TANC2: variants seen among roughly 807,000 people sequenced by gnomAD.
TANC2 encodes tetratricopeptide repeat, ankyrin repeat and coiled-coil containing 2.
In TANC2, 26 loss-of-function variants were observed where a neutral mutation model predicts 210.5. The ratio of observed to expected loss-of-function variants is 0.12; its 90% confidence interval spans 0.09 to 0.17. The LOEUF is 0.17. TANC2 is among the 10% of genes least tolerant of loss of function. TANC2 has a pLI of 1.00. For missense variants in TANC2, 2,129 were observed against 2,608.9 expected, an observed-to-expected ratio of 0.82 and a Z score of 4.01; for synonymous variants, 931 against 967.1, an observed-to-expected ratio of 0.96 and a Z score of 0.69.
intron 2 of TANC2, among the ~76,000 whole-genome samples, chr17:63,016,295 G>A (rs1340572771): frequency 6.6e-6 from 1 of 152,154 alleles, no homozygotes; most frequent in Non-Finnish European, 1.5e-5. Flanking sequence ...ACATCATTAA[G>A]GCTGGGTGTG....
At chr17:63,073,513 G>T (rs536685645) in intron 2 of TANC2, among the ~76,000 whole-genome samples, 50 of 152,026 alleles carry the variant, frequency 3.3e-4, no homozygotes, top group African/African-American at 1.2e-3. Flanking sequence ...TAAAACATAC[G>T]AATGTAATTC....
intron 1 of TANC2, chr17:63,004,794 G>C (rs75276856): frequency 0.029 from 10,215 of 348,106 alleles, 214 homozygotes; most frequent in South Asian, 0.037. Context: ...CCCCTTACCC[G>C]CTTTGGGTAC....
intron 5 of TANC2, among the ~76,000 whole-genome samples, chr17:63,167,321 T>C (rs2040242193): frequency 2.0e-5 from 3 of 152,174 alleles, no homozygotes; most frequent in Admixed American, 1.3e-4. Flanking sequence ...AAAATGATAA[T>C]ATAATGAAAA....
intron 4 of TANC2, among the ~76,000 whole-genome samples, chr17:63,119,039 C>T (rs559851888): frequency 1.3e-5 from 2 of 152,250 alleles, no homozygotes; most frequent in Non-Finnish European, 2.9e-5. Flanking sequence ...ACCCCAGCCT[C>T]CCAAAGTGCT....
At chr17:63,196,772 A>G (rs2041359271) in intron 6 of TANC2, among the ~76,000 whole-genome samples, 1 of 152,184 alleles carries the variant, frequency 6.6e-6, no homozygotes, top group South Asian at 2.1e-4. Flanking sequence ...GACATTTATT[A>G]AATACCTACT....
chr17:63,198,887 A>T (rs2041437077), intron 6 of TANC2, among the ~76,000 whole-genome samples: 1 of 152,236 alleles, frequency 6.6e-6, no homozygotes, highest in Non-Finnish European at 1.5e-5. Context: ...AACATATAGT[A>T]GAAGAGAAAT....
chr17:63,272,988 TA>T (rs148511723), intron 9 of TANC2, among the ~76,000 whole-genome samples: 1 of 151,866 alleles, frequency 6.6e-6, no homozygotes, highest in African/African-American at 2.4e-5. Flanking sequence ...TTTATACTCA[TA>T]AAAAAATTAC....
intron 2 of TANC2, among the ~76,000 whole-genome samples, chr17:63,023,362 G>A (rs2034427423): frequency 6.6e-6 from 1 of 150,734 alleles, no homozygotes; most frequent in Non-Finnish European, 1.5e-5. Flanking sequence ...GTGTGTGTAT[G>A]TGTGTGTGTA....
chr17:63,354,672 CT>C, intron 13 of TANC2, 110 bp from the exon 14 acceptor site: 1 of 1,389,070 alleles, frequency 7.2e-7, no homozygotes, highest in South Asian at 1.6e-5. Context: ...TCATGTTTCC[CT>C]GTTTGGCCAC....
chr17:63,335,187 T>C (rs2045984189), intron 11 of TANC2, among the ~76,000 whole-genome samples: 1 of 152,310 alleles, frequency 6.6e-6, no homozygotes, highest in South Asian at 2.1e-4. Flanking sequence ...CCCTGTGATA[T>C]GATCCACAAA....
At position 63,421,888 on chromosome 17, in the gene TANC2, G is replaced by A. The variant is rs143701650; in HGVS notation, c.6158G>A (p.Arg2053Gln). ...GACAACCTGTACAGGCAGCTGTCCC[G>A]AGACTCTCGGCAAGGGCAGACATCC... Residue 2053 changes from arginine to glutamine, a missense_variant, in exon 28 of 28, where the codon CGA (arginine) becomes CAA (glutamine). Around this residue, in one of 5 missense-constraint regions of TANC2, gnomAD observed 161 missense variants for 178.6 expected, o/e 0.90. Transcript: ENST00000689528. The surrounding 1 kb of genome is among the most constrained non-coding windows in gnomAD (Gnocchi z 6.9). 4.3e-6 allele frequency: 7 copies of A among 1,613,956 alleles called. No individual in the cohort carries two copies. The highest frequency in any genetic ancestry group is 2.7e-5 in the African/African-American group (2 of 75,028).
chr17:63,123,290 G>A (rs1163560950), intron 4 of TANC2, among the ~76,000 whole-genome samples: 2 of 152,270 alleles, frequency 1.3e-5, no homozygotes, highest in East Asian at 3.9e-4. Context: ...AGGCGCGGTG[G>A]CTCACGCCTG....
intron 1 of TANC2, among the ~76,000 whole-genome samples, chr17:63,009,011 T>G (rs558409981): frequency 5.5e-4 from 83 of 152,230 alleles, no homozygotes; most frequent in Non-Finnish European, 2.1e-4. Context: ...TGGTCAAAAG[T>G]ATTGTATTCT....
exon 14 of TANC2, chr17:63,355,090 A>G: frequency 6.2e-7 from 1 of 1,613,832 alleles, no homozygotes; most frequent in Non-Finnish European, 8.5e-7. Context: ...TCAGAGGTTT[A>G]TTTACTCCAG....
chr17:63,389,192 G>A, intron 16 of TANC2, 116 bp from the exon 17 acceptor site: 2 of 754,956 alleles, frequency 2.6e-6, no homozygotes, highest in Non-Finnish European at 4.3e-6. Context: ...ATAAAATAAA[G>A]CAATTACTAA....
intron 8 of TANC2, among the ~76,000 whole-genome samples, chr17:63,242,105 A>G (rs1489573325): frequency 1.3e-5 from 2 of 152,012 alleles, no homozygotes; most frequent in Non-Finnish European, 2.9e-5. Flanking sequence ...TTTTCTCTTG[A>G]CTTCTTTTTA....
chr17:63,421,910 A>G lies in TANC2; in HGVS notation c.6180A>G (p.Thr2060=), dbSNP rs762935757. The G allele has an allele frequency of 1.9e-6, 3 of 1,613,798 alleles. No individual in the cohort carries two copies. The East Asian group carries it at 6.7e-5, about 36-fold the overall frequency. ...CCCGAGACTCTCGGCAAGGGCAGAC[A>G]TCCCCTATCAAACCAAAGAGACCGT... The change falls in exon 28 of 28, where the codon ACA becomes ACG. Residue 2060 remains threonine, a synonymous_variant. Coordinates refer to ENST00000689528, the Ensembl canonical transcript of TANC2. The surrounding 1 kb of genome is among the most constrained non-coding windows in gnomAD (Gnocchi z 6.9).
intron 14 of TANC2, among the ~76,000 whole-genome samples, chr17:63,364,922 C>T (rs1412168915): frequency 3.3e-5 from 5 of 152,066 alleles, no homozygotes; most frequent in East Asian, 1.9e-4. Context: ...TGGATATGTT[C>T]GGTATAGTGA....
At chr17:63,394,460 T>A (rs1253013979) in intron 17 of TANC2, among the ~76,000 whole-genome samples, 2 of 152,216 alleles carry the variant, frequency 1.3e-5, no homozygotes, top group East Asian at 3.9e-4. Context: ...AGCCATGGTT[T>A]CTTTTATCCA....
Sources: gnomAD v4.1 joint callset for allele counts (sites outside exome capture counted in the v4.1 genomes callset) on GRCh38, gnomAD v4.1.1 for gene constraint, gnomAD v4.1.1 regional missense constraint, Gnocchi (gnomAD v3.1) non-coding constraint, MANE v1.5 for transcripts, NCBI Gene and HGNC (gene_info 2026-07-23, HGNC 2026-07-21) for gene names.